Variants in PRCP observed in about 807,000 individuals in gnomAD.
PRCP encodes lysosomal Pro-X carboxypeptidase.
Under a neutral mutation model 54.2 loss-of-function variants are expected in PRCP, and 46 were observed. That is an observed-to-expected ratio of 0.85 (90% CI 0.67 to 1.09). The LOEUF is 1.09. Ranked by LOEUF, PRCP falls within the 50% of genes least tolerant of loss-of-function variation. The probability of loss-of-function intolerance (pLI) is 0.00; values close to 1 mark genes in which losing one functional copy is unlikely to be tolerated. For synonymous variants in PRCP, 240 were observed against 212.2 expected (o/e 1.13, Z -1.14); for missense variants, 613 against 596.8 (o/e 1.03, Z -0.28).
At chr11:82,827,741 G>T (rs182117873) in intron 8 of PRCP, 44 of 151,940 alleles carry the variant, frequency 2.9e-4, no homozygotes, top group African/African-American at 1.0e-3. Flanking sequence ...GCTATTCTGG[G>T]TCCCATATAT....
At chr11:82,895,234 T>C (rs2121283026) in intron 1 of PRCP, among the ~76,000 whole-genome samples, 1 of 152,312 alleles carries the variant, frequency 6.6e-6, no homozygotes, top group South Asian at 2.1e-4. Context: ...ATTATGAAAA[T>C]AGGGGCTGCC....
In PRCP at chr11:82,849,036, AT is replaced by A. The variant is rs1422762512; in HGVS notation, c.921+12del. The A allele has an allele frequency of 1.9e-6, 3 of 1,607,510 alleles. No individual in the cohort carries two copies. The highest frequency in any genetic ancestry group is 1.7e-5 in the Admixed American group (1 of 58,800). Reference sequence around the variant, plus strand: ...TGTTATTAAAAAATGATGACAGGACATTTTCCTATTACCTTGATAGGCCAAG... The same window carrying A: ...TGTTATTAAAAAATGATGACAGGACATTTCCTATTACCTTGATAGGCCAAG... On this transcript the variant is annotated intron_variant, in intron 6 of 8. Coordinates refer to ENST00000313010, the MANE Select transcript of PRCP (RefSeq NM_005040.4).
At chr11:82,899,044 C>T (rs2121292694) in intron 1 of PRCP, among the ~76,000 whole-genome samples, 1 of 152,178 alleles carries the variant, frequency 6.6e-6, no homozygotes, top group East Asian at 1.9e-4. Context: ...TGACATCCCT[C>T]TACCACAAAT....
chr11:82,825,241 G>T, intron 8 of PRCP, 119 bp from the exon 9 acceptor site: 1 of 888,292 alleles, frequency 1.1e-6, no homozygotes, highest in African/African-American at 1.7e-5. Flanking sequence ...GTAACCTGGG[G>T]GATTTGATCT....
chr11:82,871,380 T>C (rs1321080877), intron 1 of PRCP, among the ~76,000 whole-genome samples: 1 of 152,116 alleles, frequency 6.6e-6, no homozygotes, highest in East Asian at 1.9e-4. Context: ...GGTTTTGCCA[T>C]GTTGCCCAGG....
At chr11:82,899,391 G>A (rs577529605) in intron 1 of PRCP, among the ~76,000 whole-genome samples, 1 of 152,224 alleles carries the variant, frequency 6.6e-6, no homozygotes, top group East Asian at 1.9e-4. Context: ...GGTGGAATCC[G>A]GTTCTATCTG....
chr11:82,871,272 T>C (rs1055123115), intron 1 of PRCP, among the ~76,000 whole-genome samples: 1 of 149,708 alleles, frequency 6.7e-6, no homozygotes, highest in East Asian at 2.0e-4. Context: ...CTTCGTCTCC[T>C]GGGTTCAAGC....
At chr11:82,839,616 G>A in intron 6 of PRCP, 191 bp from the exon 7 acceptor site, 1 of 623,720 alleles carries the variant, frequency 1.6e-6, no homozygotes, top group Non-Finnish European at 2.7e-6. Flanking sequence ...TTACTCCTTA[G>A]GCTATAGAAA....
At position 82,853,193 on chromosome 11, in the gene PRCP, C is replaced by T. The variant is rs148602716; in HGVS notation, c.395G>A (p.Gly132Asp). Residue 132 changes from glycine to aspartate, a missense_variant, in exon 3 of 9, where the codon GGT (glycine) becomes GAT (aspartate). Physicochemically the swap from Gly to Asp is moderately conservative, Grantham distance 94. Transcript: ENST00000313010. ...TATCTTTACCTTGAATGAGTTGTCA[C>T]CAAAGGGGAGAGACTCTCCATAGTA... ...HRYYGESLPF[G>D]DNSFKDSRHL... 5 of 1,605,420 alleles carry T rather than the reference C, an allele frequency of 3.1e-6. No homozygotes were observed. In the Admixed American group the frequency reaches 8.5e-5, roughly 27 times the overall value.
rs997590410 is a variant in PRCP, at chr11:82,833,093, T to C, written c.1274+5294A>G. Among the ~76,000 whole-genome samples the C allele has an allele frequency of 4.6e-4, 70 of 152,256 alleles. 1 individual carries two copies. Among genetic ancestry groups the C allele is most frequent in the Non-Finnish European group, 9.7e-4 (66 of 68,044 alleles). ...AAGCCTTCCTGAGCTGTGTATTTCA[T>C]TCATCATCCTTATCAACAACCGGCA... On this transcript the variant is annotated intron_variant, in intron 8 of 8. Transcript: ENST00000313010.
intron 6 of PRCP, chr11:82,840,424 G>A (rs1858633904): frequency 6.6e-6 from 1 of 152,050 alleles, no homozygotes; most frequent in Non-Finnish European, 1.5e-5. Context: ...TAAAGCTGAA[G>A]TATTTAAGAG....
At chr11:82,879,433 T>C (rs1859693110) in intron 1 of PRCP, among the ~76,000 whole-genome samples, 1 of 152,194 alleles carries the variant, frequency 6.6e-6, no homozygotes, top group Non-Finnish European at 1.5e-5. Flanking sequence ...ATTCGTCTAA[T>C]CTTTTTTCCA....
intron 8 of PRCP, among the ~76,000 whole-genome samples, chr11:82,835,208 A>G (rs1488977458): frequency 6.6e-6 from 1 of 152,234 alleles, no homozygotes; most frequent in Admixed American, 6.5e-5. Flanking sequence ...TTAAAAATTA[A>G]AATTAAAAAT....
chr11:82,900,624 TC>T (rs1860261860), upstream of PRCP: 3 of 693,384 alleles, frequency 4.3e-6, no homozygotes, highest in African/African-American at 5.2e-5. Flanking sequence ...CACTTTCCTC[TC>T]GTGCCATCTG....
intron 8 of PRCP, chr11:82,831,449 C>A (rs754498343): frequency 1.3e-5 from 2 of 152,206 alleles, no homozygotes; most frequent in Non-Finnish European, 2.9e-5. Context: ...TAATTTGTTC[C>A]TTGAAATAAC....
chr11:82,882,838 G>C (rs1859782265), intron 1 of PRCP, among the ~76,000 whole-genome samples: 1 of 114,078 alleles, frequency 8.8e-6, no homozygotes. Flanking sequence ...ATGAGTTGGA[G>C]AAAAACTACC....
chr11:82,875,799 C>A (rs905781392), intron 1 of PRCP, among the ~76,000 whole-genome samples: 2 of 152,098 alleles, frequency 1.3e-5, no homozygotes, highest in East Asian at 1.9e-4. Flanking sequence ...AAGGCCGTAG[C>A]GAAGGCAAAC....
upstream of PRCP, chr11:82,901,599 T>C (rs1255224998): frequency 1.3e-5 from 2 of 152,426 alleles, no homozygotes; most frequent in Middle Eastern, 3.2e-3. Flanking sequence ...CTACCCGCAG[T>C]TTGACGAAAA....
chr11:82,866,882 C>T (rs998083279), intron 1 of PRCP, among the ~76,000 whole-genome samples: 15 of 152,002 alleles, frequency 9.9e-5, no homozygotes, highest in Admixed American at 2.6e-4. Context: ...CCACCACACC[C>T]GGATAATTTT....
Sources: gnomAD v4.1 joint callset for allele counts (sites outside exome capture counted in the v4.1 genomes callset) on GRCh38, gnomAD v4.1.1 for gene constraint, MANE v1.5 for transcripts, NCBI Gene and HGNC (gene_info 2026-07-23, HGNC 2026-07-21) for gene names.